SAV1: variants seen among roughly 807,000 people sequenced by gnomAD.
SAV1 encodes the protein salvador family WW domain containing protein 1, also known as protein salvador homolog 1.
In SAV1, 23 loss-of-function variants were observed where a neutral mutation model predicts 47.3. The observed-to-expected ratio is 0.49, with a 90% CI of 0.35 to 0.69. The LOEUF is 0.69. Among genes scored for constraint, SAV1 ranks in the 30% least tolerant of loss-of-function variants. SAV1 has a pLI of 0.01. For missense variants in SAV1, 448 were observed against 457.4 expected (o/e 0.98, Z 0.19); for synonymous variants, 155 against 159.2 (o/e 0.97, Z 0.20).
intron 2 of SAV1, among the ~76,000 whole-genome samples, chr14:50,659,622 G>A (rs1430676119): frequency 2.6e-5 from 4 of 152,216 alleles, no homozygotes; most frequent in Non-Finnish European, 5.9e-5. Flanking sequence ...GCCAAGGCAG[G>A]CAGATTGCTT....
At chr14:50,658,996 A>G (rs1390276067) in intron 2 of SAV1, among the ~76,000 whole-genome samples, 1 of 151,986 alleles carries the variant, frequency 6.6e-6, no homozygotes, top group Non-Finnish European at 1.5e-5. Context: ...CATTAAATCT[A>G]TATTGCCCTG....
intron 2 of SAV1, among the ~76,000 whole-genome samples, chr14:50,663,610 T>C (rs1320595729): frequency 6.6e-6 from 1 of 152,224 alleles, no homozygotes; most frequent in Non-Finnish European, 1.5e-5. Flanking sequence ...CTATTCCACA[T>C]TATTTTTAAA....
In SAV1 at chr14:50,633,886, A is replaced by G. The variant is rs910984185; in HGVS notation, c.*1297T>C. ...TAGTTATAGTTTAGAAGTATCACCA[A>G]TTTGTTTGCAATCAAATGTACAGCA... On this transcript the variant is annotated 3_prime_UTR_variant, in exon 5 of 5. Transcript: ENST00000324679. 1.8e-5 allele frequency: 3 copies of G among 164,076 alleles called. No individual in the cohort carries two copies. Among genetic ancestry groups the G allele is most frequent in the African/African-American group, 7.1e-5 (3 of 41,980 alleles). The allele number at this position is 164,076 out of a possible 1,614,324, so 10.2% of individuals were successfully genotyped here. A position where few individuals can be genotyped will look rare whatever the true frequency, so the allele number is the denominator to read the frequency against.
At chr14:50,640,919 T>C (rs1330194667) in intron 3 of SAV1, 26 bp from the exon 4 acceptor site, 3 of 1,578,116 alleles carry the variant, frequency 1.9e-6, no homozygotes, top group Admixed American at 1.8e-5. Flanking sequence ...TGACATTCTT[T>C]AGGATAAAGG....
chr14:50,654,211 C>A (rs1373654904), intron 2 of SAV1, among the ~76,000 whole-genome samples: 2 of 152,244 alleles, frequency 1.3e-5, no homozygotes, highest in African/African-American at 4.8e-5. Flanking sequence ...ATTTTACCCA[C>A]AGTAGCATTT....
In SAV1 at chr14:50,659,934, C is replaced by A. The variant is rs140878534; in HGVS notation, c.535+5245G>T. On this transcript the variant is annotated intron_variant, in intron 2 of 4. Coordinates refer to ENST00000324679, the MANE Select transcript of SAV1 (RefSeq NM_021818.4). ...GTTTCCAGAATTTGGACTGGCCAAA[C>A]AGGCCAGGCCACTTTGATCACTGGT... Among the ~76,000 whole-genome samples the A allele has an allele frequency of 5.3e-5, 8 of 152,340 alleles. No individual in the cohort carries two copies. The East Asian group carries it at 1.5e-3, about 29-fold the overall frequency.
rs2039923041 is a variant in SAV1, at chr14:50,668,254, GGCC to G, written c.-290_-288del. 1 of 13,110 alleles carries G rather than the reference GGCC, an allele frequency of 7.6e-5. No individual in the cohort carries two copies. Among genetic ancestry groups the G allele is most frequent in the Non-Finnish European group, 1.2e-4 (1 of 8,110 alleles). The allele number at this position is 13,110 out of a possible 1,614,324, so 0.8% of individuals were successfully genotyped here. On this transcript the variant is annotated 5_prime_UTR_variant, in exon 1 of 5. Transcript: ENST00000324679. ...CCGTGAGGAAAGCCCAGCGACGCCG[GGCC>G]AGGGCCAGGGCCATGGTCCGCCGCG...
intron 2 of SAV1, among the ~76,000 whole-genome samples, chr14:50,659,990 G>C (rs535960568): frequency 6.6e-6 from 1 of 152,328 alleles, no homozygotes; most frequent in East Asian, 1.9e-4. Flanking sequence ...CTTCTGCTAA[G>C]CTATAGGTTT....
At chr14:50,655,929 C>T (rs1214175759) in intron 2 of SAV1, among the ~76,000 whole-genome samples, 2 of 152,082 alleles carry the variant, frequency 1.3e-5, no homozygotes, top group African/African-American at 2.4e-5. Context: ...CCTGTAATTC[C>T]AGCTACTAGA....
At chr14:50,642,318 G>C (rs149381104) in intron 3 of SAV1, among the ~76,000 whole-genome samples, 1 of 151,818 alleles carries the variant, frequency 6.6e-6, no homozygotes, top group Admixed American at 6.6e-5. Context: ...CAGAAACCCC[G>C]TCTCTACTAA....
At chr14:50,653,802 G>A (rs552042054) in intron 2 of SAV1, among the ~76,000 whole-genome samples, 2 of 152,002 alleles carry the variant, frequency 1.3e-5, no homozygotes, top group Admixed American at 6.6e-5. Context: ...CTGGGAAGTG[G>A]GGGTGGCAGT....
In SAV1 at chr14:50,668,089, T is replaced by TCCG. The variant is rs2039920752; in HGVS notation, c.-125_-123dup. The TCCG allele has an allele frequency of 3.7e-6, 2 of 545,022 alleles. No homozygotes were observed. The highest frequency in any genetic ancestry group is 5.5e-6 in the Non-Finnish European group (2 of 365,674). The allele number at this position is 545,022 out of a possible 1,614,324, so 33.8% of individuals were successfully genotyped here. On this transcript the variant is annotated 5_prime_UTR_variant, in exon 1 of 5. Transcript: ENST00000324679. ...CCTCCTTCCCTCCCGAGCCGCCGCC[T>TCCG]CCGCCGCCGCCTGTCCGGAGCCCGG...
intron 3 of SAV1, among the ~76,000 whole-genome samples, chr14:50,643,673 C>T (rs1261195788): frequency 6.6e-6 from 1 of 152,206 alleles, no homozygotes; most frequent in Non-Finnish European, 1.5e-5. Flanking sequence ...GACCACACCA[C>T]AGGTTTGATT....
intron 3 of SAV1, among the ~76,000 whole-genome samples, chr14:50,643,739 A>ATGG (rs2039699236): frequency 6.6e-6 from 1 of 152,228 alleles, no homozygotes; most frequent in Admixed American, 6.5e-5. Flanking sequence ...GTGCCACTAC[A>ATGG]TGGAATCATG....
intron 4 of SAV1, among the ~76,000 whole-genome samples, chr14:50,639,382 T>C (rs2039663528): frequency 6.6e-6 from 1 of 152,140 alleles, no homozygotes; most frequent in Non-Finnish European, 1.5e-5. Context: ...CATTATCTAA[T>C]TCATAGATAA....
Position 50,635,237 on chromosome 14 carries a change from T to A in SAV1, c.1098A>T (p.Glu366Asp). 1 of 1,614,190 alleles carries A rather than the reference T, an allele frequency of 6.2e-7. No individual in the cohort carries two copies. ...ACCACTGCTGTCTCTGCTTTCGGTTTTCCAACTCTGTAAGAAGGGCTTGTC... is the reference window on the plus strand; with the variant it reads ...ACCACTGCTGTCTCTGCTTTCGGTTATCCAACTCTGTAAGAAGGGCTTGTC... ...AYRQALLTELENRKQRQQWYA... is the reference protein window; with the variant it reads ...AYRQALLTELDNRKQRQQWYA... Residue 366 changes from glutamate to aspartate, a missense_variant, in exon 5 of 5, where the codon GAA becomes GAT. Coordinates refer to ENST00000324679, the MANE Select transcript of SAV1 (RefSeq NM_021818.4).
intron 2 of SAV1, among the ~76,000 whole-genome samples, chr14:50,646,161 T>G (rs2140252457): frequency 6.6e-6 from 1 of 152,334 alleles, no homozygotes; most frequent in Middle Eastern, 3.4e-3. Flanking sequence ...GCTGTGTATT[T>G]TCCTATACAT....
intron 4 of SAV1, among the ~76,000 whole-genome samples, chr14:50,636,512 C>A (rs2039635684): frequency 6.6e-6 from 1 of 152,136 alleles, no homozygotes; most frequent in African/African-American, 2.4e-5. Context: ...GTGAAGGATT[C>A]ACAAAAGATT....
At chr14:50,642,348 G>T (rs368206299) in intron 3 of SAV1, among the ~76,000 whole-genome samples, 1 of 151,994 alleles carries the variant, frequency 6.6e-6, no homozygotes, top group African/African-American at 2.4e-5. Context: ...ACTTAACCAG[G>T]CTTCATGATG....
Sources: gnomAD v4.1 joint callset for allele counts (sites outside exome capture counted in the v4.1 genomes callset) on GRCh38, gnomAD v4.1.1 for gene constraint, MANE v1.5 for transcripts, NCBI Gene and HGNC (gene_info 2026-07-23, HGNC 2026-07-21) for gene names.